PIK3C2B: variants seen among roughly 807,000 people sequenced by gnomAD.
The protein encoded by PIK3C2B is phosphatidylinositol-4-phosphate 3-kinase catalytic subunit type 2 beta.
In PIK3C2B, 83 loss-of-function variants were observed where a neutral mutation model predicts 184.3. The ratio of observed to expected loss-of-function variants is 0.45; its 90% CI spans 0.38 to 0.54. PIK3C2B has a LOEUF of 0.54. Ranked by LOEUF, PIK3C2B falls within the 20% of genes least tolerant of loss-of-function variation. PIK3C2B has a pLI of 0.00. For missense variants in PIK3C2B, 1,736 were observed against 2,113.5 expected (o/e 0.82, Z 3.50); for synonymous variants, 779 against 837.6 (o/e 0.93, Z 1.21).
intron 27 of PIK3C2B, 141 bp downstream of exon 27, chr1:204,432,059 G>A: frequency 6.4e-6 from 5 of 778,566 alleles, no homozygotes; most frequent in Non-Finnish European, 1.1e-5. Context: ...AAAGGAGAGG[G>A]AAGTGGTCCA....
intron 16 of PIK3C2B, 106 bp downstream of exon 16, chr1:204,445,850 C>T (rs934614233): frequency 3.1e-6 from 2 of 647,346 alleles, no homozygotes; most frequent in African/African-American, 1.9e-5. Context: ...ATATCCACAC[C>T]CACTTTACCA....
intron 1 of PIK3C2B, 23 bp from the exon 2 acceptor site, chr1:204,469,909 T>C: frequency 3.0e-6 from 2 of 665,744 alleles, no homozygotes; most frequent in Non-Finnish European, 5.4e-6. Flanking sequence ...GGTAAAAATA[T>C]CAATCAGTCA....
At chr1:204,428,980 T>C in intron 29 of PIK3C2B, 1 of 449,822 alleles carries the variant, frequency 2.2e-6, no homozygotes, top group South Asian at 1.6e-5. Flanking sequence ...TTCCAGCACT[T>C]TGGGAGGCTG....
chr1:204,460,534 C>G lies in PIK3C2B; in HGVS notation c.1422+16G>C, dbSNP rs774825810. 1 of 1,605,368 alleles carries G rather than the reference C, an allele frequency of 6.2e-7. No individual in the cohort carries two copies. Among genetic ancestry groups the G allele is most frequent in the Non-Finnish European group, 8.5e-7 (1 of 1,172,060 alleles). On this transcript the variant is annotated intron_variant, in intron 6 of 32. Transcript: ENST00000684373. ...CTCCCCAGCCCTGGGCAACCCTCCA[C>G]CACCCTCACACGAACCGTCCGGGCC... is the stretch of plus-strand genomic sequence containing the variant.
At position 204,460,405 on chromosome 1, in the gene PIK3C2B, T is replaced by C. The variant is rs1171684700; in HGVS notation, c.1423-2A>G. On this transcript the variant is annotated splice_acceptor_variant, in intron 6 of 32. Coordinates refer to ENST00000684373, the MANE Select transcript of PIK3C2B (RefSeq NM_001377334.1). LOFTEE classifies it high-confidence loss of function. ...GGAGGGGCTCTGGTCATCATTCACC[T>C]GTATAAGAAGTGACCTATTCAGAGA... The C allele has an allele frequency of 1.2e-6, 2 of 1,613,008 alleles. No individual in the cohort carries two copies. The highest frequency in any genetic ancestry group is 1.7e-6 in the Non-Finnish European group (2 of 1,178,996).
chr1:204,444,196 G>T, intron 17 of PIK3C2B, 34 bp from the exon 18 acceptor site: 1 of 1,515,748 alleles, frequency 6.6e-7, no homozygotes, highest in Non-Finnish European at 9.2e-7. Flanking sequence ...AGAATATGAA[G>T]CTTCATTAAC....
intron 23 of PIK3C2B, among the ~76,000 whole-genome samples, chr1:204,435,168 G>C (rs908702910): frequency 3.3e-5 from 5 of 152,156 alleles, no homozygotes; most frequent in Non-Finnish European, 4.4e-5. Flanking sequence ...AAGAAGAGCT[G>C]AGGCAGCTTA....
At chr1:204,432,103 C>A in intron 27 of PIK3C2B, 97 bp downstream of exon 27, 1 of 1,110,120 alleles carries the variant, frequency 9.0e-7, no homozygotes, top group South Asian at 1.3e-5. Context: ...TCGGTCAACT[C>A]CTGTGCCCAC....
At chr1:204,460,468 C>T (rs921757685) in intron 6 of PIK3C2B, 65 bp from the exon 7 acceptor site, 14 of 1,536,784 alleles carry the variant, frequency 9.1e-6, no homozygotes, top group African/African-American at 4.1e-5. Flanking sequence ...ACTCCTACCC[C>T]CCTCCCACCT....
chr1:204,450,092 G>A, intron 12 of PIK3C2B, 75 bp from the exon 13 acceptor site: 4 of 1,164,766 alleles, frequency 3.4e-6, no homozygotes, highest in Non-Finnish European at 4.8e-6. Context: ...AGGAAGTCAG[G>A]CTGAGGCTGA....
chr1:204,489,474 T>A (rs1280934622), intron 1 of PIK3C2B, among the ~76,000 whole-genome samples: 1 of 131,210 alleles, frequency 7.6e-6, no homozygotes, highest in Non-Finnish European at 1.7e-5. Context: ...CTGGCCCCTA[T>A]CTTTTAATTT....
intron 5 of PIK3C2B, among the ~76,000 whole-genome samples, chr1:204,461,564 G>T (rs1436887204): frequency 1.3e-5 from 2 of 152,188 alleles, no homozygotes; most frequent in Non-Finnish European, 2.9e-5. Flanking sequence ...AGCATAAGGG[G>T]GGCAGTATAT....
At position 204,449,934 on chromosome 1, in the gene PIK3C2B, G is replaced by A. The variant is rs142362916; in HGVS notation, c.2150C>T (p.Pro717Leu). 1.5e-4 allele frequency: 250 copies of A among 1,612,990 alleles called. No homozygotes were observed. The African/African-American group carries it at 2.5e-3, about 16-fold the overall frequency. ...ATLYALPIPP[P>L]GSSSEANKQR... ...CTTATTGGCCTCTGAGGAGCTCCCC[G>A]GTGGGGGGATGGGCAGAGCATAGAG... Residue 717 changes from proline (P) to leucine (L), a missense_variant, in exon 13 of 33, where the codon CCG becomes CTG. By Grantham distance (98) the Pro-to-Leu change is moderately conservative. Coordinates refer to ENST00000684373, the MANE Select transcript of PIK3C2B (RefSeq NM_001377334.1).
chr1:204,449,350 TTCTACTGCTCCCCCAATCCAAAAA>T (rs1654157482), intron 13 of PIK3C2B, 54 bp from the exon 14 acceptor site: 1 of 1,306,404 alleles, frequency 7.7e-7, no homozygotes, highest in Non-Finnish European at 1.1e-6. Context: ...CAGAGAATAT[TTCTACTGCTCCCCCAATCCAAAAA>T]TCTGCCTTTT....
chr1:204,442,700 C>A, intron 19 of PIK3C2B, 67 bp from the exon 20 acceptor site: 1 of 1,103,192 alleles, frequency 9.1e-7, no homozygotes, highest in Non-Finnish European at 1.3e-6. Context: ...CAGACCTCTC[C>A]CAGGGGTGGG....
Position 204,424,947 on chromosome 1 carries a change from G to C in PIK3C2B, c.4810C>G (p.Leu1604Val). 2 of 1,614,212 alleles carry C rather than the reference G, an allele frequency of 1.2e-6. No individual in the cohort carries two copies. Among genetic ancestry groups the C allele is most frequent in the Non-Finnish European group, 1.7e-6 (2 of 1,180,012 alleles). Residue 1604 changes from leucine (L) to valine (V), a missense_variant, in exon 33 of 33, where the codon CTC becomes GTC. Transcript: ENST00000684373. ...SEQGFWENVL[L>V]GEVNIRLREL... is the part of the protein sequence containing the mutation. ...CGCAGGCGGATGTTCACCTCACCGA[G>C]GAGGACGTTCTCCCAGAATCCCTGC...
chr1:204,470,029 G>A (rs1196518194), intron 1 of PIK3C2B, 143 bp from the exon 2 acceptor site: 3 of 560,538 alleles, frequency 5.4e-6, no homozygotes, highest in African/African-American at 1.9e-5. Flanking sequence ...GGAAGATGGA[G>A]GAAAAAAGGG....
intron 1 of PIK3C2B, 139 bp from the exon 2 acceptor site, chr1:204,470,025 T>C: frequency 1.8e-6 from 1 of 570,368 alleles, no homozygotes; most frequent in Non-Finnish European, 3.1e-6. Flanking sequence ...TACAGGAAGA[T>C]GGAGGAAAAA....
intron 29 of PIK3C2B, among the ~76,000 whole-genome samples, chr1:204,428,643 G>C (rs543627365): frequency 5.3e-5 from 8 of 151,996 alleles, no homozygotes; most frequent in African/African-American, 1.7e-4. Flanking sequence ...ACAGGCCTGC[G>C]CCACCACGCC....
Sources: gnomAD v4.1 joint callset for allele counts (sites outside exome capture counted in the v4.1 genomes callset) on GRCh38, gnomAD v4.1.1 for gene constraint, MANE v1.5 for transcripts, NCBI Gene and HGNC (gene_info 2026-07-23, HGNC 2026-07-21) for gene names.